Variants in SGK3 observed in about 807,000 individuals in gnomAD.
SGK3 encodes serum/glucocorticoid regulated kinase family member 3, also known as serine/threonine-protein kinase Sgk3.
SGK3 carries 47 observed loss-of-function variants against 68.5 expected under a neutral mutation model. The observed-to-expected ratio is 0.69, with a 90% CI of 0.54 to 0.87. SGK3 has a LOEUF of 0.87. SGK3 is among the 40% of genes least tolerant of loss of function. SGK3 has a pLI of 0.00. For missense variants in SGK3, 479 were observed against 575.5 expected (o/e 0.83, Z 1.72); for synonymous variants, 181 against 189.1 (o/e 0.96, Z 0.35).
At chr8:66,764,173 A>G (rs1048027947) in intron 1 of SGK3, among the ~76,000 whole-genome samples, 1 of 151,984 alleles carries the variant, frequency 6.6e-6, no homozygotes, top group African/African-American at 2.4e-5. Flanking sequence ...CATTTTCTTT[A>G]TTTTACAACA....
At chr8:66,823,819 CTG>C (rs1299804739) in intron 6 of SGK3, among the ~76,000 whole-genome samples, 11 of 152,068 alleles carry the variant, frequency 7.2e-5, no homozygotes, top group Admixed American at 5.9e-4. Flanking sequence ...AATAATTTAA[CTG>C]TAAGTATTAT....
At chr8:66,761,960 C>A (rs2130463521) in intron 1 of SGK3, among the ~76,000 whole-genome samples, 1 of 152,286 alleles carries the variant, frequency 6.6e-6, no homozygotes, top group South Asian at 2.1e-4. Flanking sequence ...AATTTTGAAT[C>A]AAATCCCAAA....
intron 1 of SGK3, among the ~76,000 whole-genome samples, chr8:66,778,570 C>T (rs1214816746): frequency 6.6e-6 from 1 of 152,260 alleles, no homozygotes; most frequent in African/African-American, 2.4e-5. Context: ...GCCAGGATTA[C>T]AGGCGTGAGC....
chr8:66,850,990 C>T, intron 16 of SGK3, 70 bp downstream of exon 16: 2 of 1,457,498 alleles, frequency 1.4e-6, no homozygotes, highest in Non-Finnish European at 1.9e-6. Flanking sequence ...AAGTTTGAAA[C>T]TAGATCTCAG....
chr8:66,771,536 G>A (rs1806512279), intron 1 of SGK3, among the ~76,000 whole-genome samples: 1 of 152,282 alleles, frequency 6.6e-6, no homozygotes, highest in South Asian at 2.1e-4. Context: ...TGCTAACATA[G>A]GGAATTTACT....
At chr8:66,767,459 A>G (rs1386543020) in intron 1 of SGK3, 1 of 1,430,494 alleles carries the variant, frequency 7.0e-7, no homozygotes, top group Admixed American at 1.7e-5. Flanking sequence ...AGAATGCTTA[A>G]AGGAGACTGC....
chr8:66,752,799 G>T (rs550448086), intron 1 of SGK3, among the ~76,000 whole-genome samples: 2 of 152,254 alleles, frequency 1.3e-5, no homozygotes, highest in East Asian at 3.9e-4. Flanking sequence ...TGCTTGGGGA[G>T]AAGGGAGAGT....
At chr8:66,819,473 C>G (rs1028518394) in intron 5 of SGK3, among the ~76,000 whole-genome samples, 8 of 152,156 alleles carry the variant, frequency 5.3e-5, no homozygotes, top group Admixed American at 2.0e-4. Context: ...GTCATACCCT[C>G]AAGTGGAAGA....
intron 1 of SGK3, among the ~76,000 whole-genome samples, chr8:66,723,108 TATATATATATATATATATATATA>T (rs1367029028): frequency 2.1e-4 from 9 of 42,984 alleles, no homozygotes; most frequent in East Asian, 1.3e-3. Flanking sequence ...TATATATATA[TATATATATATATATATATATATA>T]TTTTTTTTTT....
intron 14 of SGK3, among the ~76,000 whole-genome samples, chr8:66,844,017 AAACC>A (rs1809907942): frequency 6.7e-6 from 1 of 150,310 alleles, no homozygotes. Flanking sequence ...AAAAAAAAAA[AAACC>A]CTTTTTATTT....
chr8:66,749,283 G>A (rs1254042311), intron 1 of SGK3, among the ~76,000 whole-genome samples: 1 of 152,112 alleles, frequency 6.6e-6, no homozygotes, highest in Non-Finnish European at 1.5e-5. Flanking sequence ...GGAGGCCGAG[G>A]CGGGCGGATC....
chr8:66,793,779 AGT>A lies in SGK3; in HGVS notation c.46_47del (p.Val16LysfsTer7). ...CATGGACTACAAGGAAAGCTGCCCA[AGT>A]GTAAGCATTCCCAGCTCCGATGAAC... ...HTMDYKESCP[S>X]VSIPSSDEHR... On this transcript the variant is annotated frameshift_variant, in exon 2 of 17. Coordinates refer to ENST00000521198, the MANE Select transcript of SGK3 (RefSeq NM_001033578.3). LOFTEE classifies it high-confidence loss of function. 1 of 1,613,582 alleles carries A rather than the reference AGT, an allele frequency of 6.2e-7. No individual in the cohort carries two copies. Among genetic ancestry groups the A allele is most frequent in the Non-Finnish European group, 8.5e-7 (1 of 1,179,670 alleles).
chr8:66,839,506 T>G (rs1287406581), intron 10 of SGK3, among the ~76,000 whole-genome samples: 4 of 15,882 alleles, frequency 2.5e-4, no homozygotes, highest in African/African-American at 8.5e-4. Context: ...GAGATATATA[T>G]ATATATATAT....
chr8:66,804,308 T>C, intron 3 of SGK3, 67 bp from the exon 4 acceptor site: 1 of 1,379,198 alleles, frequency 7.3e-7, no homozygotes, highest in African/African-American at 1.5e-5. Context: ...TGTATTTGGC[T>C]TTGATGTGTG....
intron 1 of SGK3, among the ~76,000 whole-genome samples, chr8:66,749,457 T>C (rs961492173): frequency 4.6e-5 from 7 of 152,148 alleles, no homozygotes; most frequent in Non-Finnish European, 4.4e-5. Flanking sequence ...GTTCTCTTGA[T>C]GGACACTTGG....
intron 4 of SGK3, among the ~76,000 whole-genome samples, chr8:66,807,226 G>A (rs1012498355): frequency 1.3e-5 from 2 of 152,156 alleles, no homozygotes; most frequent in African/African-American, 4.8e-5. Flanking sequence ...TCTGCCCTGG[G>A]TGACTGAGAC....
At chr8:66,767,262 C>T in intron 1 of SGK3, 10 of 572,780 alleles carry the variant, frequency 1.7e-5, no homozygotes, top group South Asian at 9.1e-5. Flanking sequence ...TCCTTTGTTC[C>T]CTTATTAGTT....
chr8:66,821,483 T>C (rs1401384242), intron 5 of SGK3, among the ~76,000 whole-genome samples: 1 of 152,018 alleles, frequency 6.6e-6, no homozygotes, highest in African/African-American at 2.4e-5. Flanking sequence ...CAATGAACAT[T>C]ATAATTACAT....
At chr8:66,754,385 T>C (rs902841691) in intron 1 of SGK3, among the ~76,000 whole-genome samples, 2 of 152,206 alleles carry the variant, frequency 1.3e-5, no homozygotes, top group South Asian at 4.1e-4. Context: ...CTTAAGACTC[T>C]ACCCGCTTAA....
Sources: gnomAD v4.1 joint callset for allele counts (sites outside exome capture counted in the v4.1 genomes callset) on GRCh38, gnomAD v4.1.1 for gene constraint, MANE v1.5 for transcripts, NCBI Gene and HGNC (gene_info 2026-07-23, HGNC 2026-07-21) for gene names.